MAN1A2: variants seen among roughly 807,000 people sequenced by gnomAD.
The protein encoded by MAN1A2 is mannosidase alpha class 1A member 2, also known as mannosyl-oligosaccharide 1,2-alpha-mannosidase IB.
Under a neutral mutation model 75.7 loss-of-function variants are expected in MAN1A2, and 26 were observed. That is an observed-to-expected ratio of 0.34 (90% CI 0.25 to 0.48). The LOEUF (loss-of-function observed/expected upper bound fraction) is 0.48, where lower values mean the gene tolerates loss of function less well. MAN1A2 is among the 20% of genes least tolerant of loss of function. The pLI, the probability that MAN1A2 is intolerant of heterozygous loss-of-function variation, is 0.99. For synonymous variants in MAN1A2, 247 were observed against 264.6 expected, an observed-to-expected ratio of 0.93 and a Z score of 0.65; for missense variants, 562 against 775.5, an observed-to-expected ratio of 0.72 and a Z score of 3.27.
chr1:117,410,746 A>T (rs1647785648), intron 3 of MAN1A2, among the ~76,000 whole-genome samples: 1 of 150,234 alleles, frequency 6.7e-6, no homozygotes, highest in Admixed American at 6.7e-5. Flanking sequence ...TAGAATAAAC[A>T]AATTTAGTAA....
At chr1:117,481,289 A>G (rs1650488152) in intron 8 of MAN1A2, among the ~76,000 whole-genome samples, 1 of 150,336 alleles carries the variant, frequency 6.7e-6, no homozygotes, top group South Asian at 2.1e-4. Flanking sequence ...AATATTCTGT[A>G]CCTCTTCTTC....
chr1:117,406,696 A>G (rs1647628102), intron 3 of MAN1A2, among the ~76,000 whole-genome samples: 1 of 152,136 alleles, frequency 6.6e-6, no homozygotes, highest in Non-Finnish European at 1.5e-5. Context: ...CCATTATGTA[A>G]TGAAATAAAG....
At chr1:117,404,207 G>C (rs1160319456) in intron 2 of MAN1A2, among the ~76,000 whole-genome samples, 2 of 152,088 alleles carry the variant, frequency 1.3e-5, no homozygotes, top group Non-Finnish European at 1.5e-5. Context: ...CATTGGTCTT[G>C]AGTTTTCTTG....
At chr1:117,381,756 G>A (rs1284165770) in intron 1 of MAN1A2, among the ~76,000 whole-genome samples, 3 of 151,916 alleles carry the variant, frequency 2.0e-5, no homozygotes, top group Non-Finnish European at 4.4e-5. Context: ...CTGAGGAATC[G>A]CCACACTGAT....
At chr1:117,489,276 A>T (rs1205304980) in intron 8 of MAN1A2, among the ~76,000 whole-genome samples, 1 of 152,072 alleles carries the variant, frequency 6.6e-6, no homozygotes, top group Non-Finnish European at 1.5e-5. Context: ...TACAATTCCT[A>T]GGTTAAATTT....
chr1:117,374,707 G>A (rs922648584), intron 1 of MAN1A2, among the ~76,000 whole-genome samples: 6 of 152,058 alleles, frequency 3.9e-5, no homozygotes, highest in South Asian at 2.1e-4. Flanking sequence ...TCTGTGCCTC[G>A]ATGTTCTTAT....
rs949390935 is a variant in MAN1A2, at chr1:117,527,094, C to G, written c.*4137C>G. On this transcript the variant is annotated 3_prime_UTR_variant, in exon 13 of 13. Coordinates refer to ENST00000356554, the MANE Select transcript of MAN1A2 (RefSeq NM_006699.5). ...AGATATTTTAATCCATTTATCCTGG[C>G]TCAAGAACACTGATAAAGATGATTT... 2 of 151,498 alleles carry G rather than the reference C, an allele frequency of 1.3e-5. No individual in the cohort carries two copies. Among genetic ancestry groups the G allele is most frequent in the Non-Finnish European group, 3.0e-5 (2 of 67,770 alleles). The allele number at this position is 151,498 out of a possible 1,614,324, so 9.4% of individuals were successfully genotyped here. A position where few individuals can be genotyped will look rare whatever the true frequency, so the allele number is the denominator to read the frequency against.
intron 12 of MAN1A2, among the ~76,000 whole-genome samples, chr1:117,506,605 C>G (rs1651380802): frequency 6.6e-6 from 1 of 151,542 alleles, no homozygotes; most frequent in South Asian, 2.1e-4. Flanking sequence ...AAAACACAAG[C>G]AATATATACA....
chr1:117,414,629 G>C, intron 3 of MAN1A2, 84 bp from the exon 4 acceptor site: 2 of 706,090 alleles, frequency 2.8e-6, no homozygotes, highest in Non-Finnish European at 2.5e-6. Context: ...CACTGAATGT[G>C]AAGGGAATCT....
chr1:117,440,888 G>A (rs889415742), intron 5 of MAN1A2, among the ~76,000 whole-genome samples: 4 of 149,946 alleles, frequency 2.7e-5, no homozygotes, highest in Non-Finnish European at 4.5e-5. Context: ...GCTCTATAAG[G>A]TAACTTGTGT....
At chr1:117,490,023 A>G (rs1254905796) in intron 8 of MAN1A2, among the ~76,000 whole-genome samples, 2 of 151,890 alleles carry the variant, frequency 1.3e-5, no homozygotes, top group Non-Finnish European at 2.9e-5. Flanking sequence ...AAAATCCAGG[A>G]TAAAGGAGTG....
intron 3 of MAN1A2, among the ~76,000 whole-genome samples, chr1:117,413,559 G>A (rs965838614): frequency 6.6e-6 from 1 of 151,830 alleles, no homozygotes; most frequent in African/African-American, 2.4e-5. Context: ...CGCTGGAGTC[G>A]TAACCTTTCA....
chr1:117,499,198 C>T (rs923886873), intron 10 of MAN1A2, among the ~76,000 whole-genome samples, 184 bp from the exon 11 acceptor site: 3 of 151,868 alleles, frequency 2.0e-5, no homozygotes, highest in Admixed American at 6.6e-5. Flanking sequence ...GTTTATAAGT[C>T]TATTTTAAGA....
chr1:117,416,121 A>T (rs977239123), intron 4 of MAN1A2, among the ~76,000 whole-genome samples: 1 of 149,176 alleles, frequency 6.7e-6, no homozygotes, highest in African/African-American at 2.5e-5. Context: ...AATGGAATTG[A>T]ATTTTTTTTA....
chr1:117,445,403 G>A (rs533703502), intron 6 of MAN1A2, among the ~76,000 whole-genome samples: 36 of 152,204 alleles, frequency 2.4e-4, no homozygotes, highest in African/African-American at 7.9e-4. Flanking sequence ...GAAATAATTC[G>A]TGGAGTGCTG....
intron 1 of MAN1A2, among the ~76,000 whole-genome samples, chr1:117,397,967 CTGTT>C (rs761812883): frequency 6.6e-6 from 1 of 152,008 alleles, no homozygotes; most frequent in African/African-American, 2.4e-5. Context: ...ACTCTTTTGA[CTGTT>C]TGTAGCCTCA....
At chr1:117,425,196 A>G (rs1648325055) in intron 5 of MAN1A2, among the ~76,000 whole-genome samples, 1 of 151,780 alleles carries the variant, frequency 6.6e-6, no homozygotes, top group Admixed American at 6.6e-5. Context: ...TCAGAACTCT[A>G]TCTATAAAAA....
chr1:117,482,203 C>A (rs1371458037), intron 8 of MAN1A2, among the ~76,000 whole-genome samples: 3 of 151,890 alleles, frequency 2.0e-5, no homozygotes, highest in African/African-American at 7.2e-5. Flanking sequence ...TTTACAGTAG[C>A]ATGATTTATA....
intron 1 of MAN1A2, among the ~76,000 whole-genome samples, chr1:117,394,686 G>A (rs1470424961): frequency 1.3e-5 from 2 of 152,182 alleles, no homozygotes; most frequent in African/African-American, 4.8e-5. Flanking sequence ...TCAGAGGCCT[G>A]TTGGTAAAGC....
Sources: allele counts gnomAD v4.1 joint callset (sites outside exome capture counted in the v4.1 genomes callset), GRCh38; gene constraint gnomAD v4.1.1; transcripts MANE v1.5; gene names NCBI Gene and HGNC (gene_info 2026-07-23, HGNC 2026-07-21).